Variants in TNFRSF10B observed in about 807,000 individuals in gnomAD.
TNFRSF10B encodes tumor necrosis factor receptor superfamily member 10B.
A neutral mutation model predicts 41.4 loss-of-function variants in TNFRSF10B; 35 were observed. The observed-to-expected ratio is 0.85, with a 90% CI of 0.65 to 1.12. The LOEUF (loss-of-function observed/expected upper bound fraction) is 1.12, where lower values mean the gene tolerates loss of function less well. Among genes scored for constraint, TNFRSF10B ranks in the 50% most tolerant of loss-of-function variants. The pLI is 0.00. For missense variants in TNFRSF10B, 584 were observed against 552.7 expected (o/e 1.06, Z -0.57); for synonymous variants, 230 against 215.5 (o/e 1.07, Z -0.59).
intron 4 of TNFRSF10B, 42 bp downstream of exon 4, chr8:23,029,568 G>C (rs1235810825): frequency 2.6e-6 from 4 of 1,563,774 alleles, no homozygotes; most frequent in Non-Finnish European, 3.5e-6. Flanking sequence ...GGGTCTTTTG[G>C]GGTTCCATGG....
chr8:23,040,039 A>G (rs4242387), intron 2 of TNFRSF10B, among the ~76,000 whole-genome samples: 83,209 of 151,372 alleles, frequency 0.55, 25,738 homozygotes, highest in East Asian at 0.76. Flanking sequence ...TAAAAATCAA[A>G]AATTATCCAG....
At chr8:23,030,944 G>T in intron 2 of TNFRSF10B, 72 bp from the exon 3 acceptor site, 2 of 1,098,970 alleles carry the variant, frequency 1.8e-6, no homozygotes, top group Middle Eastern at 2.9e-4. Context: ...GTGGCTGGGG[G>T]ACTCCTCTTT....
At chr8:23,030,649 T>C in intron 3 of TNFRSF10B, 110 bp downstream of exon 3, 3 of 799,272 alleles carry the variant, frequency 3.8e-6, no homozygotes, top group South Asian at 1.5e-5. Flanking sequence ...CATGGTATGA[T>C]GAAGACCAAG....
chr8:23,064,055 G>A (rs1011266581), intron 1 of TNFRSF10B, among the ~76,000 whole-genome samples: 6 of 152,270 alleles, frequency 3.9e-5, no homozygotes, highest in Admixed American at 6.5e-5. Flanking sequence ...AGGAGCCGTG[G>A]AGTATCGGGA....
Position 23,040,301 on chromosome 8 carries a change from A to AAT in TNFRSF10B, c.250+2835_250+2836dup, listed in dbSNP as rs1300517193. ...TAATATATATTTATTAAATATATATAATATATATTTAATAAATATATATAC... is the reference window on the plus strand; with the variant it reads ...TAATATATATTTATTAAATATATATAATATATATATTTAATAAATATATATAC... On this transcript the variant is annotated intron_variant, in intron 2 of 8. Transcript: ENST00000276431. 6.0e-5 allele frequency among the ~76,000 whole-genome samples: 2 copies of AAT among 33,224 alleles called. 1 individual carries two copies. Among genetic ancestry groups the AAT allele is most frequent in the African/African-American group, 1.1e-4 (2 of 18,696 alleles). 21.8% of individuals were successfully genotyped at this position (33,224 alleles called of 152,430 possible).
rs963497044 is a variant in TNFRSF10B, at chr8:23,020,144, G to A, written c.*2527C>T. On this transcript the variant is annotated 3_prime_UTR_variant, in exon 9 of 9. Coordinates refer to ENST00000276431, the MANE Select transcript of TNFRSF10B (RefSeq NM_003842.5). ...AAAAACCACACCTCTTTTTATATAAGGTTTCATATTTAATTTGGTCATGGA... is the reference window on the plus strand; with the variant it reads ...AAAAACCACACCTCTTTTTATATAAAGTTTCATATTTAATTTGGTCATGGA... 2.5e-6 allele frequency: 1 copy of A among 392,876 alleles called. No homozygotes were observed. Among genetic ancestry groups the A allele is most frequent in the Non-Finnish European group, 5.1e-6 (1 of 197,976 alleles). 24.3% of individuals were successfully genotyped at this position (392,876 alleles called of 1,614,324 possible).
At chr8:23,027,316 A>G in intron 6 of TNFRSF10B, 28 bp from the exon 7 acceptor site, 1 of 1,613,680 alleles carries the variant, frequency 6.2e-7, no homozygotes, top group Non-Finnish European at 8.5e-7. Context: ...GAAGGCAAAA[A>G]GCCGACTCAG....
chr8:23,041,151 C>T (rs919806708), intron 2 of TNFRSF10B, among the ~76,000 whole-genome samples: 123 of 151,558 alleles, frequency 8.1e-4, no homozygotes, highest in African/African-American at 2.7e-3. Context: ...CTCTGCCTCC[C>T]GGGTTCAAGC....
chr8:23,024,784 C>T (rs543769051), intron 7 of TNFRSF10B, among the ~76,000 whole-genome samples: 3 of 152,188 alleles, frequency 2.0e-5, no homozygotes, highest in East Asian at 2.0e-4. Flanking sequence ...CCATCCGCCT[C>T]GGCCTCCCAA....
At chr8:23,059,999 T>G (rs1202912801) in intron 1 of TNFRSF10B, among the ~76,000 whole-genome samples, 1 of 152,234 alleles carries the variant, frequency 6.6e-6, no homozygotes, top group African/African-American at 2.4e-5. Context: ...GTTTTTGTTT[T>G]GTTAGATCGT....
At position 23,031,547 on chromosome 8, in the gene TNFRSF10B, C is replaced by T. The variant is rs569611797; in HGVS notation, c.251-675G>A. Among the ~76,000 whole-genome samples the T allele has an allele frequency of 8.4e-4, 127 of 152,068 alleles. 1 individual carries two copies. Among genetic ancestry groups the T allele is most frequent in the African/African-American group, 3.0e-3 (123 of 41,482 alleles). On this transcript the variant is annotated intron_variant, in intron 2 of 8. Coordinates refer to ENST00000276431, the MANE Select transcript of TNFRSF10B (RefSeq NM_003842.5). ...GGACTACAGGTGCACACCACCACAC[C>T]GGGTTAATTTTTAGTGTACTTTTTT... is the stretch of plus-strand genomic sequence containing the variant.
intron 1 of TNFRSF10B, among the ~76,000 whole-genome samples, chr8:23,053,660 A>G (rs1812584046): frequency 6.6e-6 from 1 of 152,222 alleles, no homozygotes; most frequent in Admixed American, 6.5e-5. Flanking sequence ...CAAAAATTGT[A>G]AAGAGTTATG....
rs555457656 is a variant in TNFRSF10B at position 23,065,878 on chromosome 8, G to A, written c.144+2873C>T. Among the ~76,000 whole-genome samples the A allele has an allele frequency of 1.6e-3, 243 of 152,178 alleles. 1 individual carries two copies. Among genetic ancestry groups the A allele is most frequent in the Non-Finnish European group, 2.4e-3 (166 of 67,986 alleles). On this transcript the variant is annotated intron_variant, in intron 1 of 8. Coordinates refer to ENST00000276431, the MANE Select transcript of TNFRSF10B (RefSeq NM_003842.5). ...AATGTAATCAACAGAAACAGTGGCCGTAATAACAGATATAATGGTGTTGAT... is the reference window on the plus strand; with the variant it reads ...AATGTAATCAACAGAAACAGTGGCCATAATAACAGATATAATGGTGTTGAT...
chr8:23,042,949 G>C, intron 2 of TNFRSF10B, 189 bp downstream of exon 2: 2 of 572,564 alleles, frequency 3.5e-6, no homozygotes, highest in Non-Finnish European at 3.1e-6. Flanking sequence ...AGTTTCTTTG[G>C]CTGTCTCATT....
Position 23,033,790 on chromosome 8 carries a change from G to A in TNFRSF10B, c.251-2918C>T, listed in dbSNP as rs190315921. Among the ~76,000 whole-genome samples the A allele has an allele frequency of 1.3e-3, 193 of 152,046 alleles. 3 individuals carry two copies. The highest frequency in any genetic ancestry group is 3.0e-3 in the Admixed American group (46 of 15,272). On this transcript the variant is annotated intron_variant, in intron 2 of 8. Transcript: ENST00000276431. ...TGTGCATTTGCGTAACCTCTTCCTT[G>A]CACACACCAGAAGAGGGGGGGAGAG...
At chr8:23,031,275 A>C (rs1811875686) in intron 2 of TNFRSF10B, among the ~76,000 whole-genome samples, 1 of 151,950 alleles carries the variant, frequency 6.6e-6, no homozygotes, top group South Asian at 2.1e-4. Flanking sequence ...ACAGGGTTTC[A>C]CCGTATTGGC....
At chr8:23,065,644 G>A (rs1280768694) in intron 1 of TNFRSF10B, among the ~76,000 whole-genome samples, 1 of 152,098 alleles carries the variant, frequency 6.6e-6, no homozygotes, top group Admixed American at 6.5e-5. Flanking sequence ...CCTGAATAAG[G>A]CAACTGAACA....
intron 1 of TNFRSF10B, among the ~76,000 whole-genome samples, chr8:23,062,672 C>A (rs144335234): frequency 5.9e-4 from 90 of 152,020 alleles, no homozygotes; most frequent in African/African-American, 2.0e-3. Context: ...TTAATTAAAC[C>A]ATTTCTGGCT....
chr8:23,068,872 G>A lies in TNFRSF10B; in HGVS notation c.23C>T (p.Ala8Val), dbSNP rs759200719. The A allele has an allele frequency of 2.0e-5, 32 of 1,613,370 alleles. No individual in the cohort carries two copies. In the Admixed American group the frequency reaches 2.8e-4, roughly 14 times the overall value. Reference protein sequence around the residue: MEQRGQNAPAASGARKRH... With the variant: MEQRGQNVPAASGARKRH... ...TTTCCGGGCCCCCGAAGCGGCCGGG[G>A]CGTTCTGTCCCCGTTGTTCCATGGC... The change falls in exon 1 of 9, where the codon GCC becomes GTC. Residue 8 changes from alanine to valine, a missense_variant. Ala to Val is a moderately conservative substitution (Grantham distance 64). Transcript: ENST00000276431.
Sources: allele counts gnomAD v4.1 joint callset (sites outside exome capture counted in the v4.1 genomes callset), GRCh38; gene constraint gnomAD v4.1.1; transcripts MANE v1.5; gene names NCBI Gene and HGNC (gene_info 2026-07-23, HGNC 2026-07-21).